The following CHRM3 variants were observed in gnomAD, a reference collection of about 807,000 sequenced individuals.
The protein encoded by CHRM3 is muscarinic acetylcholine receptor M3.
Under a neutral mutation model 41.8 loss-of-function variants are expected in CHRM3, and 11 were observed. That is an observed-to-expected ratio of 0.26 (90% CI 0.17 to 0.44). The LOEUF (loss-of-function observed/expected upper bound fraction) is 0.44. Among genes scored for constraint, CHRM3 ranks in the 20% least tolerant of loss-of-function variants. The pLI is 1.00. For synonymous variants in CHRM3, 297 were observed against 301.4 expected, an observed-to-expected ratio of 0.99 and a Z score of 0.15; for missense variants, 571 against 745.4, an observed-to-expected ratio of 0.77 and a Z score of 2.72.
chr1:239,492,135 A>G (rs993033802), intron 1 of CHRM3, among the ~76,000 whole-genome samples: 2 of 152,204 alleles, frequency 1.3e-5, no homozygotes, highest in African/African-American at 4.8e-5. Context: ...ACAGAACAAG[A>G]ACTTGAGCCC....
intron 5 of CHRM3, among the ~76,000 whole-genome samples, chr1:239,760,168 G>A (rs968713078): frequency 6.6e-4 from 100 of 150,580 alleles, no homozygotes; most frequent in African/African-American, 7.6e-4. Context: ...CTCGTGATCC[G>A]CCCACCTCGG....
In CHRM3 at chr1:239,544,730, A is replaced by G. The variant is rs962385456; in HGVS notation, c.-421-911A>G. 7.2e-5 allele frequency among the ~76,000 whole-genome samples: 11 copies of G among 152,240 alleles called. 1 individual carries two copies. The highest frequency in any genetic ancestry group is 1.4e-4 in the African/African-American group (6 of 41,470). On this transcript the variant is annotated intron_variant, in intron 2 of 6. Coordinates refer to ENST00000676153, the MANE Select transcript of CHRM3 (RefSeq NM_001375978.1). ...CAAAGCGAGATCTCACTTTATATCT[A>G]TCTTGACATACAAAGACGAGTAGAA...
At chr1:239,710,196 A>T (rs1389243400) in intron 5 of CHRM3, among the ~76,000 whole-genome samples, 1 of 152,204 alleles carries the variant, frequency 6.6e-6, no homozygotes, top group African/African-American at 2.4e-5. Context: ...TGTTATATGT[A>T]TAACTATATC....
chr1:239,562,340 CT>C (rs1660936879), intron 3 of CHRM3, among the ~76,000 whole-genome samples: 1 of 152,020 alleles, frequency 6.6e-6, no homozygotes, highest in Non-Finnish European at 1.5e-5. Context: ...AGATATCCCC[CT>C]TTTTTCAGAT....
At chr1:239,894,372 C>T (rs1177975050) in intron 6 of CHRM3, among the ~76,000 whole-genome samples, 1 of 152,188 alleles carries the variant, frequency 6.6e-6, no homozygotes, top group East Asian at 1.9e-4. Context: ...CCAGGGACCT[C>T]AGCCGTGAGT....
chr1:239,585,077 A>G (rs1200417969), intron 3 of CHRM3, among the ~76,000 whole-genome samples: 2 of 148,768 alleles, frequency 1.3e-5, no homozygotes, highest in Non-Finnish European at 3.0e-5. Context: ...ATATATATGT[A>G]TACACACATA....
At chr1:239,758,705 G>A (rs1174544836) in intron 5 of CHRM3, among the ~76,000 whole-genome samples, 1 of 152,158 alleles carries the variant, frequency 6.6e-6, no homozygotes, top group African/African-American at 2.4e-5. Context: ...TTTTTCAAAG[G>A]AAAGGTTATT....
chr1:239,815,531 T>C (rs1035172469), intron 5 of CHRM3, among the ~76,000 whole-genome samples: 2 of 152,228 alleles, frequency 1.3e-5, no homozygotes, highest in Non-Finnish European at 2.9e-5. Context: ...TTACAGTAAT[T>C]TAAACCAAGC....
chr1:239,827,977 G>T (rs982953845), intron 6 of CHRM3, among the ~76,000 whole-genome samples: 3 of 152,054 alleles, frequency 2.0e-5, no homozygotes, highest in African/African-American at 7.2e-5. Flanking sequence ...ATTTAACTTT[G>T]TGTTTCAGAT....
Position 239,520,310 on chromosome 1 carries a change from A to G in CHRM3, c.-421-25331A>G, listed in dbSNP as rs146453637. 4.7e-4 allele frequency among the ~76,000 whole-genome samples: 71 copies of G among 152,276 alleles called. 3 individuals carry two copies. Among genetic ancestry groups the G allele is most frequent in the African/African-American group, 1.5e-3 (63 of 41,572 alleles). ...CACCTAAATCTCGTGTTGAATTGCA[A>G]TCCTCAAAGTTGGAGGTGGGGCCTG... On this transcript the variant is annotated intron_variant, in intron 2 of 6. Transcript: ENST00000676153.
chr1:239,495,639 C>T (rs1012286092), intron 2 of CHRM3, among the ~76,000 whole-genome samples: 21 of 152,118 alleles, frequency 1.4e-4, no homozygotes, highest in Non-Finnish European at 2.2e-4. Flanking sequence ...TGCTCCTCAC[C>T]AGCTGTGAGA....
intron 1 of CHRM3, among the ~76,000 whole-genome samples, chr1:239,401,146 G>T (rs1659938768): frequency 6.6e-6 from 1 of 152,152 alleles, no homozygotes; most frequent in Admixed American, 6.5e-5. Flanking sequence ...TTAAGCTACG[G>T]ATGAAATACT....
intron 3 of CHRM3, among the ~76,000 whole-genome samples, chr1:239,591,585 G>A (rs1414384555): frequency 2.0e-5 from 3 of 151,016 alleles, no homozygotes; most frequent in East Asian, 3.9e-4. Flanking sequence ...TTCACCATGC[G>A]TGCCGTCTTT....
chr1:239,424,004 G>A (rs976647271), intron 1 of CHRM3, among the ~76,000 whole-genome samples: 1 of 146,596 alleles, frequency 6.8e-6, no homozygotes, highest in Admixed American at 6.9e-5. Context: ...GCAGTGAGCC[G>A]AGATTGCGCC....
chr1:239,548,584 G>A (rs749054323), intron 3 of CHRM3, among the ~76,000 whole-genome samples: 41 of 152,314 alleles, frequency 2.7e-4, no homozygotes, highest in Admixed American at 3.9e-4. Flanking sequence ...CCCTGATGAG[G>A]ACAGTAGTGG....
intron 3 of CHRM3, among the ~76,000 whole-genome samples, chr1:239,603,304 T>G (rs1665838134): frequency 6.6e-6 from 1 of 152,178 alleles, no homozygotes; most frequent in Non-Finnish European, 1.5e-5. Flanking sequence ...ACAAGTTAGC[T>G]TTTTGGAATA....
chr1:239,665,788 T>C (rs1386553464), intron 4 of CHRM3, among the ~76,000 whole-genome samples: 1 of 152,058 alleles, frequency 6.6e-6, no homozygotes, highest in Non-Finnish European at 1.5e-5. Flanking sequence ...TTCTGTTCTG[T>C]TAGTTTGCTG....
chr1:239,662,893 C>CTCTTCTTCT (rs67465048), intron 4 of CHRM3, among the ~76,000 whole-genome samples: 559 of 46,406 alleles, frequency 0.012, 18 homozygotes, highest in African/African-American at 0.037. Flanking sequence ...CTTCCTCCTC[C>CTCTTCTTCT]TCTTCTTCTT....
At chr1:239,871,405 C>T (rs570951320) in intron 6 of CHRM3, among the ~76,000 whole-genome samples, 1 of 152,130 alleles carries the variant, frequency 6.6e-6, no homozygotes, top group African/African-American at 2.4e-5. Context: ...GCATGCCCAG[C>T]TAATTTTTGT....
Sources: allele counts gnomAD v4.1 joint callset (sites outside exome capture counted in the v4.1 genomes callset), GRCh38; gene constraint gnomAD v4.1.1; transcripts MANE v1.5; gene names NCBI Gene and HGNC (gene_info 2026-07-23, HGNC 2026-07-21).